The following POM121C variants were observed in gnomAD, a reference collection of about 807,000 sequenced individuals.
The protein encoded by POM121C is POM121 transmembrane nucleoporin C, also known as nuclear envelope pore membrane protein POM 121C.
Under a neutral mutation model 66.4 loss-of-function variants are expected in POM121C, and 20 were observed. That is an observed-to-expected ratio of 0.30 (90% CI 0.21 to 0.44). POM121C has a LOEUF of 0.44. Among genes scored for constraint, POM121C ranks in the 20% least tolerant of loss-of-function variants. The pLI is 1.00. For synonymous variants in POM121C, 286 were observed against 528.0 expected (o/e 0.54, Z 6.28); for missense variants, 580 against 1,225.7 (o/e 0.47, Z 7.87).
intron 3 of POM121C, among the ~76,000 whole-genome samples, chr7:75,447,634 G>C (rs1554474910): frequency 6.6e-6 from 1 of 152,032 alleles, no homozygotes; most frequent in Non-Finnish European, 1.5e-5. Flanking sequence ...ATAAAAGCTG[G>C]GAGACACTTT....
rs782624026 is a variant in POM121C at position 75,421,822 on chromosome 7, G to C, written c.2430C>G (p.Gly810=). 7.5e-6 allele frequency: 12 copies of C among 1,609,532 alleles called. No homozygotes were observed. Among genetic ancestry groups the C allele is most frequent in the Admixed American group, 6.7e-5 (4 of 59,798 alleles). ...VFSFGAATSS[G]FGATTQTASS... ...TGGCGGTCTGGGTGGTGGCTCCAAA[G>C]CCGGAGCTGGTGGCTGCACCGAAGG... Residue 810 remains glycine, a synonymous_variant, in exon 13 of 15, where the codon GGC becomes GGG. Coordinates refer to ENST00000615331, the MANE Select transcript of POM121C (RefSeq NM_001099415.3).
rs1554474009 is a variant in POM121C, at chr7:75,441,550, C to T, written c.-54G>A. 5 of 1,613,474 alleles carry T rather than the reference C, an allele frequency of 3.1e-6. No individual in the cohort carries two copies. Among genetic ancestry groups the T allele is most frequent in the Non-Finnish European group, 3.4e-6 (4 of 1,179,612 alleles). On this transcript the variant is annotated 5_prime_UTR_variant, in exon 4 of 15. The change creates a new upstream start codon in the 5' untranslated region. Coordinates refer to ENST00000615331, the MANE Select transcript of POM121C (RefSeq NM_001099415.3). ...TTCTTGTGATAACCATTCCAGCACA[C>T]TGTGGGAAGTACCCCCGGACAGGAA...
Position 75,439,175 on chromosome 7 carries a change from C to T in POM121C, c.277G>A (p.Ala93Thr). ...ACAAAAGAAGCGGGGACTCCACTGG[C>T]CACCAGGGGCTCAAATGCTGAATGT... ...SGHSAFEPLV[A>T]SGVPASFVPK... is the part of the protein sequence containing the mutation. The change falls in exon 6 of 15, where the codon GCC (alanine) becomes ACC (threonine). Residue 93 changes from alanine to threonine, a missense_variant. Ala to Thr is a moderately conservative substitution (Grantham distance 58). Coordinates refer to ENST00000615331, the MANE Select transcript of POM121C (RefSeq NM_001099415.3). 1.9e-6 allele frequency: 3 copies of T among 1,614,238 alleles called. No homozygotes were observed. Among genetic ancestry groups the T allele is most frequent in the Middle Eastern group, 1.6e-4 (1 of 6,062 alleles).
At chr7:75,430,614 G>C (rs1362486229) in intron 7 of POM121C, among the ~76,000 whole-genome samples, 1 of 152,270 alleles carries the variant, frequency 6.6e-6, no homozygotes, top group East Asian at 1.9e-4. Flanking sequence ...CATGACCTTA[G>C]GTTGGACAGG....
intron 9 of POM121C, 85 bp downstream of exon 9, chr7:75,425,549 CT>C (rs1584650504): frequency 4.7e-6 from 6 of 1,275,866 alleles, no homozygotes; most frequent in East Asian, 2.5e-5. Context: ...TGCTCAAGAC[CT>C]TTTTTCAATA....
intron 3 of POM121C, among the ~76,000 whole-genome samples, chr7:75,471,588 G>A (rs1191255801): frequency 6.6e-6 from 1 of 152,036 alleles, no homozygotes; most frequent in Admixed American, 6.6e-5. Context: ...GAGACACGGC[G>A]CCGAGTTGAG....
intron 7 of POM121C, among the ~76,000 whole-genome samples, chr7:75,430,929 A>G (rs1790146893): frequency 6.6e-6 from 1 of 151,938 alleles, no homozygotes; most frequent in African/African-American, 2.4e-5. Context: ...ACAAAAAATT[A>G]GCTGGGTGTG....
chr7:75,430,968 C>T (rs1409968581), intron 7 of POM121C, among the ~76,000 whole-genome samples: 3 of 148,434 alleles, frequency 2.0e-5, no homozygotes, highest in African/African-American at 7.4e-5. Flanking sequence ...CCCAGCTACT[C>T]GGGAGGCTGA....
chr7:75,475,459 AG>A (rs1335331220), intron 1 of POM121C, among the ~76,000 whole-genome samples: 1 of 152,094 alleles, frequency 6.6e-6, no homozygotes, highest in Non-Finnish European at 1.5e-5. Context: ...GCCTGCTCTC[AG>A]AAAGCAGACA....
rs187846627 is a variant in POM121C at position 75,418,361 on chromosome 7, A to G, written c.*435T>C. 3 of 989,076 alleles carry G rather than the reference A, an allele frequency of 3.0e-6. No homozygotes were observed. The East Asian group carries it at 3.4e-4, about 110-fold the overall frequency. The allele number at this position is 989,076 out of a possible 1,614,324, so 61.3% of individuals were successfully genotyped here. ...TTCTCACAGCTAAGCCAAGCAAGAT[A>G]AAGCTTTAGGGATAACCCATTTCCC... On this transcript the variant is annotated 3_prime_UTR_variant, in exon 15 of 15. Transcript: ENST00000615331.
At chr7:75,474,308 C>A (rs1484499923) in intron 3 of POM121C, among the ~76,000 whole-genome samples, 1 of 152,072 alleles carries the variant, frequency 6.6e-6, no homozygotes, top group Non-Finnish European at 1.5e-5. Context: ...GAAGGAGAAT[C>A]GCTTGAACCT....
chr7:75,437,972 G>A (rs1790478842), intron 6 of POM121C, among the ~76,000 whole-genome samples: 1 of 152,186 alleles, frequency 6.6e-6, no homozygotes, highest in South Asian at 2.1e-4. Flanking sequence ...ACTAAAGAGA[G>A]GGATTACAGG....
intron 7 of POM121C, among the ~76,000 whole-genome samples, chr7:75,436,914 C>T (rs1430122569): frequency 6.6e-6 from 1 of 152,134 alleles, no homozygotes; most frequent in African/African-American, 2.4e-5. Context: ...AGCCATCCCG[C>T]CCAGCCTCAG....
At chr7:75,447,037 A>T (rs1468276839) in intron 3 of POM121C, among the ~76,000 whole-genome samples, 2 of 129,368 alleles carry the variant, frequency 1.5e-5, no homozygotes, top group Non-Finnish European at 3.3e-5. Context: ...AAAAAAAAAA[A>T]ATGACCATTA....
chr7:75,425,427 C>A (rs1789904733), intron 9 of POM121C: 1 of 1,278,528 alleles, frequency 7.8e-7, no homozygotes, highest in East Asian at 2.5e-5. Flanking sequence ...ACTGAGCTTA[C>A]CTCTATCCAA....
rs1792530934 is a variant in POM121C, at chr7:75,486,042, G to A, written c.-636C>T. 2.2e-6 allele frequency: 1 copy of A among 447,856 alleles called. No homozygotes were observed. The highest frequency in any genetic ancestry group is 2.5e-5 in the Admixed American group (1 of 40,052). The allele number at this position is 447,856 out of a possible 1,614,324, so 27.7% of individuals were successfully genotyped here. ...AATCCAGGCGGGTGTCCTTCTCGGG[G>A]CCCAGATCCGCCTCCCTGGGGCTCC... On this transcript the variant is annotated 5_prime_UTR_variant, in exon 1 of 15. Transcript: ENST00000615331.
At chr7:75,429,110 T>C (rs115693712) in intron 7 of POM121C, among the ~76,000 whole-genome samples, 2,115 of 152,296 alleles carry the variant, frequency 0.014, 59 homozygotes, top group African/African-American at 0.047. Flanking sequence ...CAAGGATGTT[T>C]ATTATTATGT....
intron 7 of POM121C, among the ~76,000 whole-genome samples, chr7:75,427,579 T>C (rs394633): frequency 6.6e-6 from 1 of 151,168 alleles, no homozygotes; most frequent in African/African-American, 2.4e-5. Context: ...ACAGCAAAGA[T>C]GGTGTTTTCA....
chr7:75,457,185 A>G (rs180990477), intron 3 of POM121C, among the ~76,000 whole-genome samples: 1 of 147,134 alleles, frequency 6.8e-6, no homozygotes, highest in African/African-American at 2.5e-5. Context: ...AAATAAATAA[A>G]TAAATAAATA....
Sources: allele counts gnomAD v4.1 joint callset (sites outside exome capture counted in the v4.1 genomes callset), GRCh38; gene constraint gnomAD v4.1.1; transcripts MANE v1.5; gene names NCBI Gene and HGNC (gene_info 2026-07-23, HGNC 2026-07-21).